SUPT3H: variants seen among roughly 807,000 people sequenced by gnomAD.
The protein encoded by SUPT3H is transcription initiation protein SPT3 homolog.
In SUPT3H, 44 loss-of-function variants were observed where a neutral mutation model predicts 44.3. That is an observed-to-expected ratio of 0.99 (90% CI 0.78 to 1.28). SUPT3H has a LOEUF of 1.28. Among genes scored for constraint, SUPT3H ranks in the 50% most tolerant of loss-of-function variants. The pLI, the probability that SUPT3H is intolerant of heterozygous loss-of-function variation, is 0.00. For missense variants in SUPT3H, 380 were observed against 387.1 expected, an observed-to-expected ratio of 0.98 and a Z score of 0.15; for synonymous variants, 124 against 125.6, an observed-to-expected ratio of 0.99 and a Z score of 0.09.
chr6:44,870,143 T>C (rs1357996283), intron 10 of SUPT3H, among the ~76,000 whole-genome samples: 2 of 152,186 alleles, frequency 1.3e-5, no homozygotes, highest in Admixed American at 6.5e-5. Flanking sequence ...ATCTGGCAAA[T>C]AATGGCTCTT....
chr6:45,021,325 A>C (rs753505398), intron 3 of SUPT3H, among the ~76,000 whole-genome samples: 3 of 151,980 alleles, frequency 2.0e-5, no homozygotes, highest in Non-Finnish European at 4.4e-5. Context: ...TTTTTCAGGA[A>C]TTCATAAGTC....
chr6:44,837,429 A>T (rs1770122715), intron 10 of SUPT3H, among the ~76,000 whole-genome samples: 1 of 152,206 alleles, frequency 6.6e-6, no homozygotes, highest in Admixed American at 6.5e-5. Flanking sequence ...GGAAATGCTG[A>T]TGTGCTCATC....
chr6:45,356,937 T>C (rs924912622), intron 2 of SUPT3H, among the ~76,000 whole-genome samples: 3 of 152,214 alleles, frequency 2.0e-5, no homozygotes, highest in Non-Finnish European at 2.9e-5. Context: ...ATATATAATA[T>C]AGGCATCAAA....
intron 2 of SUPT3H, among the ~76,000 whole-genome samples, chr6:45,246,201 T>C (rs532132244): frequency 6.6e-6 from 1 of 152,290 alleles, no homozygotes; most frequent in Admixed American, 6.5e-5. Flanking sequence ...GATTTAGAAA[T>C]ATTTTCCCAT....
At chr6:44,956,805 C>T (rs886815303) in intron 7 of SUPT3H, among the ~76,000 whole-genome samples, 4 of 152,116 alleles carry the variant, frequency 2.6e-5, no homozygotes, top group Admixed American at 1.3e-4. Context: ...TCATACAGGC[C>T]AAAGGTATAC....
chr6:45,354,333 G>A (rs1470137671), intron 2 of SUPT3H, among the ~76,000 whole-genome samples: 3 of 151,990 alleles, frequency 2.0e-5, no homozygotes, highest in African/African-American at 7.3e-5. Context: ...TATAGCAGGT[G>A]AAAGGAAAAA....
chr6:45,001,606 C>CTTTAT (rs200568535), intron 6 of SUPT3H, among the ~76,000 whole-genome samples: 1 of 151,934 alleles, frequency 6.6e-6, no homozygotes, highest in Non-Finnish European at 1.5e-5. Flanking sequence ...AGCTAGAATA[C>CTTTAT]CAAGTGAGTT....
At chr6:45,003,944 G>C (rs148493068) in intron 5 of SUPT3H, 152 bp from the exon 6 acceptor site, 23 of 829,138 alleles carry the variant, frequency 2.8e-5, no homozygotes, top group Non-Finnish European at 3.6e-5. Context: ...CAAAATAAAA[G>C]TATAAGTCAT....
intron 10 of SUPT3H, among the ~76,000 whole-genome samples, chr6:44,907,141 G>GT (rs905082839): frequency 1.3e-5 from 2 of 152,072 alleles, no homozygotes; most frequent in Non-Finnish European, 2.9e-5. Flanking sequence ...AAACCATTAT[G>GT]TTTTTTACTC....
intron 10 of SUPT3H, among the ~76,000 whole-genome samples, chr6:44,903,742 A>G (rs540290276): frequency 6.6e-6 from 1 of 152,360 alleles, no homozygotes; most frequent in South Asian, 2.1e-4. Flanking sequence ...AGAGAATTTT[A>G]GACCAATATC....
At position 45,051,136 on chromosome 6, in the gene SUPT3H, G is replaced by A. The variant is rs187795340; in HGVS notation, c.187-30504C>T. On this transcript the variant is annotated intron_variant, in intron 3 of 10. Transcript: ENST00000371459. Reference sequence around the variant, plus strand: ...GAACTCCTGACCTCGTGATCCACCCGCCTCGGCCTCCCAAAGTGCTGGGAT... The same window carrying A: ...GAACTCCTGACCTCGTGATCCACCCACCTCGGCCTCCCAAAGTGCTGGGAT... Among the ~76,000 whole-genome samples, 156 of 152,170 alleles carry A rather than the reference G, an allele frequency of 1.0e-3. 1 individual carries two copies. The highest frequency in any genetic ancestry group is 3.4e-3 in the Middle Eastern group (1 of 294).
At chr6:45,355,719 T>C (rs1793033888) in intron 2 of SUPT3H, among the ~76,000 whole-genome samples, 1 of 152,136 alleles carries the variant, frequency 6.6e-6, no homozygotes, top group Non-Finnish European at 1.5e-5. Flanking sequence ...TAGAGATATA[T>C]AAAAGACATT....
chr6:45,281,779 C>T (rs566383455), intron 2 of SUPT3H, among the ~76,000 whole-genome samples: 223 of 152,292 alleles, frequency 1.5e-3, no homozygotes, highest in African/African-American at 5.1e-3. Context: ...TGAGAACAGA[C>T]AGACTGCCTC....
intron 11 of SUPT3H, among the ~76,000 whole-genome samples, chr6:44,812,766 G>C (rs1480099548): frequency 6.6e-6 from 1 of 152,184 alleles, no homozygotes; most frequent in Non-Finnish European, 1.5e-5. Context: ...CAAACAGTCT[G>C]GGAATTATGG....
chr6:45,122,637 CA>C (rs1051114572), intron 2 of SUPT3H, among the ~76,000 whole-genome samples: 3 of 151,650 alleles, frequency 2.0e-5, no homozygotes, highest in Admixed American at 6.6e-5. Context: ...ATTAAAACAC[CA>C]AAAATAGAAG....
At chr6:44,934,158 A>G (rs1307583537) in intron 9 of SUPT3H, among the ~76,000 whole-genome samples, 1 of 152,184 alleles carries the variant, frequency 6.6e-6, no homozygotes, top group East Asian at 1.9e-4. Context: ...TTTTTTACTC[A>G]TAATTCTTTG....
At chr6:44,809,084 C>T (rs1432853816), downstream of SUPT3H, among the ~76,000 whole-genome samples, 1 of 152,186 alleles carries the variant, frequency 6.6e-6, no homozygotes, top group African/African-American at 2.4e-5. Context: ...TTTAGTCACT[C>T]AATATACATG....
chr6:44,901,448 T>C (rs1765033172), intron 10 of SUPT3H, among the ~76,000 whole-genome samples: 1 of 151,874 alleles, frequency 6.6e-6, no homozygotes, highest in Non-Finnish European at 1.5e-5. Flanking sequence ...ATGAATGAAA[T>C]GAAGCGAGAA....
At chr6:45,196,808 A>T (rs1434472659) in intron 2 of SUPT3H, among the ~76,000 whole-genome samples, 1 of 151,942 alleles carries the variant, frequency 6.6e-6, no homozygotes, top group Non-Finnish European at 1.5e-5. Context: ...AAAAAGTGTG[A>T]CAACTACTGA....
Sources: allele counts gnomAD v4.1 joint callset (sites outside exome capture counted in the v4.1 genomes callset), GRCh38; gene constraint gnomAD v4.1.1; transcripts MANE v1.5; gene names NCBI Gene and HGNC (gene_info 2026-07-23, HGNC 2026-07-21).